The following CEACAM16 variants were observed in gnomAD, a reference collection of about 807,000 sequenced individuals.
The protein encoded by CEACAM16 is cell adhesion molecule CEACAM16.
A neutral mutation model predicts 39.4 loss-of-function variants in CEACAM16; 30 were observed. The ratio of observed to expected loss-of-function variants is 0.76; its 90% CI spans 0.57 to 1.03. The LOEUF (loss-of-function observed/expected upper bound fraction) is 1.03. Ranked by LOEUF, CEACAM16 falls within the 50% of genes least tolerant of loss-of-function variation. CEACAM16 has a pLI of 0.00. For missense variants in CEACAM16, 521 were observed against 585.3 expected, an observed-to-expected ratio of 0.89 and a Z score of 1.13; for synonymous variants, 262 against 264.9, an observed-to-expected ratio of 0.99 and a Z score of 0.11.
At position 44,701,239 on chromosome 19, in the gene CEACAM16, G is replaced by A. The variant is rs1173992383; in HGVS notation, c.-96-122G>A. The A allele has an allele frequency of 2.1e-5, 13 of 633,414 alleles. No homozygotes were observed. Among genetic ancestry groups the A allele is most frequent in the East Asian group, 1.6e-4 (6 of 36,634 alleles). The allele number at this position is 633,414 out of a possible 1,614,324, so 39.2% of individuals were successfully genotyped here. ...GCCCCAGGAGGCCTGCCCAGGTCAC[G>A]GCCTCTGGCCGGTGCCCGCCACACC... On this transcript the variant is annotated intron_variant, in intron 1 of 6. Coordinates refer to ENST00000587331, the MANE Select transcript of CEACAM16 (RefSeq NM_001039213.4). The surrounding 1 kb of genome is among the most constrained non-coding windows in gnomAD (Gnocchi z 4.0).
At position 44,703,663 on chromosome 19, in the gene CEACAM16, G is replaced by C; in HGVS notation, c.352G>C (p.Glu118Gln). ...LQTFNRQLQT[E>Q]VGYGHVQVHE... The stretch of plus-strand genomic sequence containing the variant: ...GACCTTCAACAGGCAGTTGCAGACC[G>C]AGGTGGGCTACGGACACGTGCAGGT... Residue 118 changes from glutamate (E) to glutamine (Q), a missense_variant, in exon 3 of 7, where the codon GAG becomes CAG. Transcript: ENST00000587331. 1 of 1,576,590 alleles carries C rather than the reference G, an allele frequency of 6.3e-7. No homozygotes were observed. Among genetic ancestry groups the C allele is most frequent in the East Asian group, 2.3e-5 (1 of 43,898 alleles).
At chr19:44,710,394 G>T (rs914904079) in intron 6 of CEACAM16, 102 bp from the exon 7 acceptor site, 16 of 1,349,836 alleles carry the variant, frequency 1.2e-5, no homozygotes, top group Non-Finnish European at 1.5e-5. Flanking sequence ...CCACTGGGTG[G>T]CCCGGGGTGG....
In CEACAM16 at chr19:44,701,759, C is replaced by T. The variant is rs1361181428; in HGVS notation, c.37+266C>T. On this transcript the variant is annotated intron_variant, in intron 2 of 6. Transcript: ENST00000587331. The surrounding 1 kb of genome is among the most constrained non-coding windows in gnomAD (Gnocchi z 4.0). The stretch of plus-strand genomic sequence containing the variant: ...AGCCAGGACAAGGGAGCCGCTGTTG[C>T]TCCTTCATTCCTGCAGGTTTCTGTT... Among the ~76,000 whole-genome samples the T allele has an allele frequency of 6.6e-6, 1 of 152,216 alleles. No individual in the cohort carries two copies. The highest frequency in any genetic ancestry group is 1.5e-5 in the Non-Finnish European group (1 of 68,042).
At chr19:44,703,061 T>G (rs1342726598) in intron 2 of CEACAM16, among the ~76,000 whole-genome samples, 1 of 152,222 alleles carries the variant, frequency 6.6e-6, no homozygotes, top group African/African-American at 2.4e-5. Context: ...ACAGAATCCT[T>G]ACAACCTTAC....
intron 2 of CEACAM16, among the ~76,000 whole-genome samples, chr19:44,702,174 T>G (rs1193042700): frequency 6.6e-6 from 1 of 151,940 alleles, no homozygotes; most frequent in Non-Finnish European, 1.5e-5. Context: ...ATGCCTGTAG[T>G]CCCAGCTGCT....
intron 6 of CEACAM16, among the ~76,000 whole-genome samples, chr19:44,709,934 G>A (rs917763229): frequency 6.6e-6 from 1 of 152,242 alleles, no homozygotes; most frequent in African/African-American, 2.4e-5. Flanking sequence ...CAGAGTCAGG[G>A]TCCATGTATC....
chr19:44,701,615 A>G lies in CEACAM16; in HGVS notation c.37+122A>G. ...GTCCAGCGTGCTAGGGAGGGAGGGC[A>G]GCCCTGCTTCACACCGGCAGTTTAC... On this transcript the variant is annotated intron_variant, in intron 2 of 6. Coordinates refer to ENST00000587331, the MANE Select transcript of CEACAM16 (RefSeq NM_001039213.4). The surrounding 1 kb of genome is among the most constrained non-coding windows in gnomAD (Gnocchi z 4.0). 1 of 983,014 alleles carries G rather than the reference A, an allele frequency of 1.0e-6. No homozygotes were observed. Among genetic ancestry groups the G allele is most frequent in the Non-Finnish European group, 1.6e-6 (1 of 644,834 alleles). 60.9% of individuals were successfully genotyped at this position (983,014 alleles called of 1,614,324 possible).
At chr19:44,707,321 GAATTTCTC>G (rs1974464407) in intron 5 of CEACAM16, among the ~76,000 whole-genome samples, 2 of 152,070 alleles carry the variant, frequency 1.3e-5, no homozygotes, top group African/African-American at 4.8e-5. Context: ...CAACAATTTA[GAATTTCTC>G]AATCTGATGG....
At chr19:44,709,504 C>A (rs1214387337) in intron 6 of CEACAM16, among the ~76,000 whole-genome samples, 1 of 135,446 alleles carries the variant, frequency 7.4e-6, no homozygotes, top group Admixed American at 7.2e-5. Flanking sequence ...TGGGAGCTCC[C>A]AGAGTCAGGG....
Position 44,704,085 on chromosome 19 carries a change from C to T in CEACAM16, c.450C>T (p.Arg150=). 1 of 1,609,336 alleles carries T rather than the reference C, an allele frequency of 6.2e-7. No individual in the cohort carries two copies. Among genetic ancestry groups the T allele is most frequent in the Non-Finnish European group, 8.5e-7 (1 of 1,178,830 alleles). ...TALVERRDTL[R]LMCSSPSPTA... ...TGGTGGAACGTCGAGACACCCTGCG[C>T]CTTATGTGCAGCAGCCCCAGCCCCA... Residue 150 remains arginine (R), a synonymous_variant, in exon 4 of 7, where the codon CGC becomes CGT. Transcript: ENST00000587331.
At chr19:44,704,464 C>T (rs920488040) in intron 4 of CEACAM16, among the ~76,000 whole-genome samples, 168 bp downstream of exon 4, 1 of 152,240 alleles carries the variant, frequency 6.6e-6, no homozygotes, top group Non-Finnish European at 1.5e-5. Context: ...GGTGCAGTGG[C>T]TCACGCCTGT....
At chr19:44,703,758 CTT>C (rs59111781) in intron 3 of CEACAM16, 65 bp downstream of exon 3, 5 of 1,200,278 alleles carry the variant, frequency 4.2e-6, no homozygotes, top group Non-Finnish European at 2.3e-6. Context: ...CTCAATCCTT[CTT>C]TTTTTTAAAA....
chr19:44,710,128 C>G (rs891308182), intron 6 of CEACAM16, among the ~76,000 whole-genome samples: 5 of 152,230 alleles, frequency 3.3e-5, no homozygotes, highest in African/African-American at 1.2e-4. Context: ...CCTCCCCTAT[C>G]ACTGGAAATT....
intron 6 of CEACAM16, among the ~76,000 whole-genome samples, chr19:44,709,988 T>C (rs992034654): frequency 2.6e-5 from 4 of 152,242 alleles, no homozygotes; most frequent in African/African-American, 9.6e-5. Flanking sequence ...TCCATGTCCC[T>C]ACAGCAGGGC....
At chr19:44,704,947 C>T (rs1438288702) in intron 4 of CEACAM16, among the ~76,000 whole-genome samples, 2 of 152,074 alleles carry the variant, frequency 1.3e-5, no homozygotes, top group African/African-American at 2.4e-5. Context: ...AATTTAACAA[C>T]ATAACCAAAG....
intron 6 of CEACAM16, 64 bp from the exon 7 acceptor site, chr19:44,710,432 T>G: frequency 6.3e-7 from 1 of 1,579,646 alleles, no homozygotes; most frequent in Admixed American, 1.7e-5. Flanking sequence ...GTGGGGGCAC[T>G]GGGGACCTGG....
chr19:44,700,142 A>T (rs1974322007), intron 1 of CEACAM16, among the ~76,000 whole-genome samples: 1 of 152,176 alleles, frequency 6.6e-6, no homozygotes, highest in Admixed American at 6.5e-5. Context: ...AGTAGCTGGG[A>T]CTACAGGTGC....
rs748040042 is a variant in CEACAM16, at chr19:44,707,883, C to T, written c.963C>T (p.Ile321=). 1.2e-5 allele frequency: 18 copies of T among 1,552,468 alleles called. No individual in the cohort carries two copies. Among genetic ancestry groups the T allele is most frequent in the South Asian group, 3.6e-5 (3 of 83,982 alleles). The change falls in exon 6 of 7, where the codon ATC becomes ATT. Residue 321 remains isoleucine, a synonymous_variant. Coordinates refer to ENST00000587331, the MANE Select transcript of CEACAM16 (RefSeq NM_001039213.4). ...CAGCTGCAGCAGTTGCCACGATGAT[C>T]GTGCCCGTGCCCACCAAGCCAACGG... ...KLSAAAVATM[I]VPVPTKPTEG... is the part of the protein sequence containing the mutation.
In CEACAM16 at chr19:44,703,508, C is replaced by T. The variant is rs199924613; in HGVS notation, c.197C>T (p.Ala66Val). The T allele has an allele frequency of 4.2e-5, 68 of 1,613,626 alleles. No homozygotes were observed. Among genetic ancestry groups the T allele is most frequent in the Middle Eastern group, 1.6e-4 (1 of 6,084 alleles). Residue 66 changes from alanine (A) to valine (V), a missense_variant, in exon 3 of 7, where the codon GCC becomes GTC. Physicochemically the swap from Ala to Val is moderately conservative, Grantham distance 64 (BLOSUM62 0). Transcript: ENST00000587331. ...GPTLSVSYLVASYIVSTGDET... is the reference protein window; with the variant it reads ...GPTLSVSYLVVSYIVSTGDET... ...ACACTCAGCGTGTCATACCTGGTGG[C>T]CAGCTACATCGTGAGCACAGGCGAT...
Sources: allele counts gnomAD v4.1 joint callset (sites outside exome capture counted in the v4.1 genomes callset), GRCh38; gene constraint gnomAD v4.1.1; non-coding constraint Gnocchi (gnomAD v3.1); transcripts MANE v1.5; gene names NCBI Gene and HGNC (gene_info 2026-07-23, HGNC 2026-07-21).